The following STAU2 variants were observed in gnomAD, a reference collection of about 807,000 sequenced individuals.
STAU2 encodes staufen double-stranded RNA binding protein 2.
STAU2 carries 20 observed loss-of-function variants against 65.9 expected under a neutral mutation model. That is an observed-to-expected ratio of 0.30 (90% CI 0.21 to 0.44). The LOEUF (loss-of-function observed/expected upper bound fraction) is 0.44, where lower values mean the gene tolerates loss of function less well. Among genes scored for constraint, STAU2 ranks in the 20% least tolerant of loss-of-function variants. STAU2 has a pLI of 1.00. For synonymous variants in STAU2, 232 were observed against 233.9 expected (o/e 0.99, Z 0.07); for missense variants, 558 against 683.9 (o/e 0.82, Z 2.05).
chr8:73,563,977 A>G (rs1808418181), intron 12 of STAU2, among the ~76,000 whole-genome samples: 1 of 152,210 alleles, frequency 6.6e-6, no homozygotes, highest in Admixed American at 6.5e-5. Flanking sequence ...ATCCCAGATG[A>G]GCACAAAGCC....
At chr8:73,615,858 G>T in intron 7 of STAU2, 76 bp from the exon 8 acceptor site, 1 of 1,077,052 alleles carries the variant, frequency 9.3e-7, no homozygotes, top group Non-Finnish European at 1.4e-6. Flanking sequence ...AGTCAAGATG[G>T]CCTATTTAAA....
chr8:73,496,256 C>CAAGA lies in STAU2; in HGVS notation c.1530+55752_1530+55755dup, dbSNP rs374494578. The stretch of plus-strand genomic sequence containing the variant: ...TATCAAAAGAATGTTTAGAAAATTC[C>CAAGA]AAGATGTTTCTGAAAGTGGAAACCT... On this transcript the variant is annotated intron_variant, in intron 13 of 14. Transcript: ENST00000524300. Among the ~76,000 whole-genome samples the CAAGA allele has an allele frequency of 3.1e-3, 465 of 151,344 alleles. 1 individual carries two copies. The highest frequency in any genetic ancestry group is 8.4e-3 in the Admixed American group (127 of 15,144).
At chr8:73,437,260 G>A (rs1309289452) in intron 13 of STAU2, among the ~76,000 whole-genome samples, 1 of 152,182 alleles carries the variant, frequency 6.6e-6, no homozygotes, top group African/African-American at 2.4e-5. Context: ...ACCTGGAGAT[G>A]GGACAAGTAG....
At chr8:73,711,148 A>C (rs1227598675) in intron 3 of STAU2, among the ~76,000 whole-genome samples, 1 of 150,474 alleles carries the variant, frequency 6.6e-6, no homozygotes, top group African/African-American at 2.4e-5. Context: ...AAAAAAAAAA[A>C]AAAAAAAAAC....
At chr8:73,651,534 G>A in intron 6 of STAU2, 1 of 839,612 alleles carries the variant, frequency 1.2e-6, no homozygotes. Flanking sequence ...CCGTCTTCTG[G>A]CCTTGCCAAT....
chr8:73,570,788 C>T (rs1340777272), intron 12 of STAU2, among the ~76,000 whole-genome samples: 1 of 152,134 alleles, frequency 6.6e-6, no homozygotes, highest in Non-Finnish European at 1.5e-5. Flanking sequence ...AGAGTGGGGG[C>T]CAATATTCAC....
chr8:73,702,648 A>C (rs902012270), intron 4 of STAU2, among the ~76,000 whole-genome samples: 9 of 152,166 alleles, frequency 5.9e-5, no homozygotes, highest in Non-Finnish European at 1.0e-4. Flanking sequence ...AAGATAAAAC[A>C]ATTATAAACA....
intron 13 of STAU2, among the ~76,000 whole-genome samples, chr8:73,535,966 T>C (rs1193453442): frequency 6.6e-6 from 1 of 151,256 alleles, no homozygotes; most frequent in African/African-American, 2.4e-5. Flanking sequence ...CATAATGGCA[T>C]TTAATTTTTT....
intron 3 of STAU2, among the ~76,000 whole-genome samples, chr8:73,710,187 T>C (rs1820795183): frequency 6.6e-6 from 1 of 152,016 alleles, no homozygotes; most frequent in Admixed American, 6.6e-5. Context: ...TTTCTGATAA[T>C]TTGATATTTG....
intron 13 of STAU2, among the ~76,000 whole-genome samples, chr8:73,502,498 T>G (rs1243715890): frequency 6.6e-6 from 1 of 151,998 alleles, no homozygotes; most frequent in African/African-American, 2.4e-5. Context: ...ACCCTATACC[T>G]CAACCAAAAG....
intron 12 of STAU2, among the ~76,000 whole-genome samples, chr8:73,581,401 GA>G (rs1316516247): frequency 6.6e-6 from 1 of 152,120 alleles, no homozygotes; most frequent in African/African-American, 2.4e-5. Context: ...TATAAGAATG[GA>G]ATTTCTGGCA....
Position 73,577,439 on chromosome 8 carries a change from A to AT in STAU2, c.1222+5330_1222+5331insA, listed in dbSNP as rs1452900978. On this transcript the variant is annotated intron_variant, in intron 12 of 14. Transcript: ENST00000524300. ...AAGACTCCATCTCAAAAAAAAAAAAAATTATATATATATATATACACACAC... is the reference window on the plus strand; with the variant it reads ...AAGACTCCATCTCAAAAAAAAAAAAATATTATATATATATATATACACACAC... Among the ~76,000 whole-genome samples the AT allele has an allele frequency of 3.6e-3, 526 of 145,116 alleles. 3 individuals carry two copies. The highest frequency in any genetic ancestry group is 0.012 in the African/African-American group (448 of 38,880).
chr8:73,742,153 T>C, intron 1 of STAU2: 1 of 956,144 alleles, frequency 1.0e-6, no homozygotes, highest in Non-Finnish European at 1.2e-6. Context: ...CCCAGTCTAC[T>C]GTCACATATT....
chr8:73,557,626 C>T (rs185610693), intron 12 of STAU2, among the ~76,000 whole-genome samples: 5 of 152,338 alleles, frequency 3.3e-5, no homozygotes, highest in Admixed American at 6.5e-5. Context: ...CATTGCCACT[C>T]TACAATAATT....
At chr8:73,481,041 C>T (rs1471234909) in intron 13 of STAU2, among the ~76,000 whole-genome samples, 2 of 152,024 alleles carry the variant, frequency 1.3e-5, no homozygotes, top group African/African-American at 2.4e-5. Flanking sequence ...TTATTTCAAA[C>T]TCACACATAC....
intron 6 of STAU2, among the ~76,000 whole-genome samples, chr8:73,622,072 T>A (rs1040996152): frequency 2.8e-5 from 4 of 142,696 alleles, no homozygotes; most frequent in Admixed American, 7.1e-5. Context: ...TTCTCCTGCC[T>A]CAGCCTCCCG....
chr8:73,603,144 G>A (rs1811766882), intron 10 of STAU2, among the ~76,000 whole-genome samples: 1 of 152,110 alleles, frequency 6.6e-6, no homozygotes, highest in African/African-American at 2.4e-5. Flanking sequence ...AATAGGTAGG[G>A]GTTGAAAAGG....
chr8:73,444,933 A>G (rs1198313303), intron 13 of STAU2, among the ~76,000 whole-genome samples: 2 of 152,234 alleles, frequency 1.3e-5, no homozygotes, highest in African/African-American at 4.8e-5. Context: ...TTGTGTCTTC[A>G]AGCTAGGAGA....
rs532244234 is a variant in STAU2 at position 73,444,554 on chromosome 8, G to A, written c.1531-21852C>T. Among the ~76,000 whole-genome samples, 11 of 152,288 alleles carry A rather than the reference G, an allele frequency of 7.2e-5. 1 individual carries two copies. In the East Asian group the frequency reaches 2.1e-3, roughly 29 times the overall value. On this transcript the variant is annotated intron_variant, in intron 13 of 14. Coordinates refer to ENST00000524300, the MANE Select transcript of STAU2 (RefSeq NM_001164380.2). The stretch of plus-strand genomic sequence containing the variant: ...CTGAGGAAGCAGGTGTGAGTAATTA[G>A]TTTCTACTGCAAATGGTACCATGAC...
Sources: allele counts gnomAD v4.1 joint callset (sites outside exome capture counted in the v4.1 genomes callset), GRCh38; gene constraint gnomAD v4.1.1; transcripts MANE v1.5; gene names NCBI Gene and HGNC (gene_info 2026-07-23, HGNC 2026-07-21).